Variants in CPED1 observed in about 807,000 individuals in gnomAD.
CPED1 encodes the protein cadherin-like and PC-esterase domain-containing protein 1.
Under a neutral mutation model 128.2 loss-of-function variants are expected in CPED1, and 114 were observed. The ratio of observed to expected loss-of-function variants is 0.89; its 90% CI spans 0.76 to 1.04. The LOEUF (loss-of-function observed/expected upper bound fraction) is 1.04. Ranked by LOEUF, CPED1 falls within the 50% of genes least tolerant of loss-of-function variation. The probability of loss-of-function intolerance (pLI) is 0.00; values close to 1 mark genes in which losing one functional copy is unlikely to be tolerated. For synonymous variants in CPED1, 462 were observed against 426.7 expected (o/e 1.08, Z -1.02); for missense variants, 1,211 against 1,207.1 (o/e 1.00, Z -0.05).
intron 16 of CPED1, among the ~76,000 whole-genome samples, chr7:121,209,015 A>C (rs964481582): frequency 6.6e-6 from 1 of 152,032 alleles, no homozygotes; most frequent in African/African-American, 2.4e-5. Flanking sequence ...CAGCTAATTC[A>C]AGATCTTATT....
At chr7:120,995,911 T>C (rs1796390615) in intron 2 of CPED1, among the ~76,000 whole-genome samples, 1 of 92,100 alleles carries the variant, frequency 1.1e-5, no homozygotes, top group South Asian at 2.7e-4. Flanking sequence ...CTTCTTCTTC[T>C]TCTCCTTCTC....
intron 22 of CPED1, among the ~76,000 whole-genome samples, chr7:121,291,121 G>A (rs1024055233): frequency 6.6e-6 from 1 of 152,114 alleles, no homozygotes; most frequent in Non-Finnish European, 1.5e-5. Context: ...GTAGATGTGT[G>A]GTGTCATTTC....
intron 11 of CPED1, among the ~76,000 whole-genome samples, chr7:121,129,337 G>GTA (rs756336162): frequency 0.18 from 10,555 of 57,762 alleles, 596 homozygotes; most frequent in African/African-American, 0.21. Flanking sequence ...ATATATATAC[G>GTA]TATATATATA....
chr7:120,995,362 A>G (rs950207436), intron 2 of CPED1, among the ~76,000 whole-genome samples: 1 of 152,112 alleles, frequency 6.6e-6, no homozygotes, highest in African/African-American at 2.4e-5. Context: ...GAATTCCACA[A>G]CACAACAAGG....
rs76075042 is a variant in CPED1 at position 121,054,748 on chromosome 7, T to C, written c.540+7755T>C. ...ATGGGTTTTGACAAATGCATAGTTA[T>C]GCATCCATCCTCACCCGTCAGTCAT... On this transcript the variant is annotated intron_variant, in intron 4 of 22. Coordinates refer to ENST00000310396, the MANE Select transcript of CPED1 (RefSeq NM_024913.5). 5.8e-3 allele frequency among the ~76,000 whole-genome samples: 876 copies of C among 152,192 alleles called. 7 individuals carry two copies. Among genetic ancestry groups the C allele is most frequent in the Non-Finnish European group, 8.1e-3 (551 of 67,998 alleles).
chr7:121,227,410 G>C (rs919257620), intron 16 of CPED1, among the ~76,000 whole-genome samples: 12 of 152,070 alleles, frequency 7.9e-5, no homozygotes, highest in African/African-American at 2.9e-4. Flanking sequence ...ATCGTGGATG[G>C]ATTTATACCA....
rs1258244102 is a variant in CPED1 at position 121,266,434 on chromosome 7, C to A, written c.2518C>A (p.His840Asn). Reference protein sequence around the residue: ...LRPTFENALEHLLQRSRPLEN... With the variant: ...LRPTFENALENLLQRSRPLEN... ...ACCAACATTTGAAAATGCACTTGAA[C>A]ACCTCTTGCAAAGGTACAATGAAAC... Residue 840 changes from histidine to asparagine, a missense_variant, in exon 19 of 23, where the codon CAC (histidine) becomes AAC (asparagine). Physicochemically the swap from His to Asn is moderately conservative, Grantham distance 68. Coordinates refer to ENST00000310396, the MANE Select transcript of CPED1 (RefSeq NM_024913.5). The A allele has an allele frequency of 6.2e-7, 1 of 1,611,248 alleles. No individual in the cohort carries two copies. The highest frequency in any genetic ancestry group is 8.5e-7 in the Non-Finnish European group (1 of 1,177,744).
intron 22 of CPED1, among the ~76,000 whole-genome samples, chr7:121,272,513 G>A (rs908809116): frequency 2.0e-5 from 3 of 151,856 alleles, no homozygotes; most frequent in Non-Finnish European, 4.4e-5. Context: ...TGGCTCCTTG[G>A]TATCCAACTG....
intron 7 of CPED1, among the ~76,000 whole-genome samples, chr7:121,102,839 A>G (rs1052149093): frequency 2.0e-5 from 3 of 152,036 alleles, no homozygotes; most frequent in Non-Finnish European, 4.4e-5. Context: ...CGTGGCTACC[A>G]CTGGTCAGAC....
rs553671174 is a variant in CPED1, at chr7:121,155,625, A to G, written c.2055+13484A>G. 1.6e-4 allele frequency among the ~76,000 whole-genome samples: 25 copies of G among 152,362 alleles called. No homozygotes were observed. The Middle Eastern group carries it at 0.01, about 62-fold the overall frequency. ...TAATGGGGAAAGGACAGTCTTTTCA[A>G]TAAATGGTGCTGGGAAAACTGGATA... is the stretch of plus-strand genomic sequence containing the variant. On this transcript the variant is annotated intron_variant, in intron 16 of 22. Transcript: ENST00000310396.
rs1304456143 is a variant in CPED1 at position 121,124,407 on chromosome 7, G to C, written c.995G>C (p.Gly332Ala). 6.2e-7 allele frequency: 1 copy of C among 1,607,284 alleles called. No homozygotes were observed. Among genetic ancestry groups the C allele is most frequent in the East Asian group, 2.3e-5 (1 of 44,412 alleles). Residue 332 changes from glycine (G) to alanine (A), a missense_variant, in exon 8 of 23, where the codon GGC becomes GCC. Gly to Ala is a moderately conservative substitution (Grantham distance 60). Transcript: ENST00000310396. ...QAFDIMKEAI[G>A]KLLLAAEVFS... is the part of the protein sequence containing the mutation. ...TTTGACATTATGAAGGAAGCAATTG[G>C]CAAACTACTGCTAGCGGCTGAAGTA... is the stretch of plus-strand genomic sequence containing the variant.
chr7:121,214,688 C>T (rs1797720622), intron 16 of CPED1, among the ~76,000 whole-genome samples: 1 of 152,012 alleles, frequency 6.6e-6, no homozygotes, highest in Non-Finnish European at 1.5e-5. Flanking sequence ...AAGTATGCTT[C>T]ATAGGTTTCT....
chr7:121,041,725 A>T (rs1001595460), intron 3 of CPED1, among the ~76,000 whole-genome samples: 5 of 152,164 alleles, frequency 3.3e-5, no homozygotes, highest in Admixed American at 6.5e-5. Flanking sequence ...TTTAAAACCA[A>T]ACAAAACAAA....
chr7:121,292,721 T>C (rs1331257937), intron 22 of CPED1, among the ~76,000 whole-genome samples: 1 of 152,098 alleles, frequency 6.6e-6, no homozygotes, highest in African/African-American at 2.4e-5. Context: ...TCCTTTTTGT[T>C]GATGTTGATG....
rs780572658 is a variant in CPED1 at position 121,236,745 on chromosome 7, C to G, written c.2087C>G (p.Thr696Ser). The G allele has an allele frequency of 6.2e-6, 10 of 1,605,816 alleles. No individual in the cohort carries two copies. The African/African-American group carries it at 1.2e-4, about 19-fold the overall frequency. Reference protein sequence around the residue: ...DCGLLIHPEETCGLQPISSDY... With the variant: ...DCGLLIHPEESCGLQPISSDY... ...GGTTTGCTGATTCATCCAGAGGAAACCTGTGGGTTACAGCCTATTTCTTCT... is the reference window on the plus strand; with the variant it reads ...GGTTTGCTGATTCATCCAGAGGAAAGCTGTGGGTTACAGCCTATTTCTTCT... Residue 696 changes from threonine (T) to serine (S), a missense_variant, in exon 17 of 23, where the codon ACC (threonine) becomes AGC (serine). Physicochemically the swap from Thr to Ser is moderately conservative, Grantham distance 58. Coordinates refer to ENST00000310396, the MANE Select transcript of CPED1 (RefSeq NM_024913.5).
At chr7:121,189,760 T>TTTTATATATATATATATATATA in intron 16 of CPED1, among the ~76,000 whole-genome samples, 1 of 47,476 alleles carries the variant, frequency 2.1e-5, no homozygotes, top group African/African-American at 8.1e-5. Context: ...TTATGAGGTT[T>TTTTATATATATATATATATATA]TATATATATA....
Position 121,127,078 on chromosome 7 carries a change from GT to G in CPED1, c.1135-10del, listed in dbSNP as rs758366860. On this transcript the variant is annotated splice_polypyrimidine_tract_variant and intron_variant, in intron 9 of 22. Transcript: ENST00000310396. ...GATGAAAAATATTTGCTGTGCTTTT[GT>G]TCTTTCAAAGGTACACGAGCATTTA... The G allele has an allele frequency of 1.3e-6, 2 of 1,543,808 alleles. No homozygotes were observed. Among genetic ancestry groups the G allele is most frequent in the South Asian group, 2.4e-5 (2 of 82,654 alleles).
At chr7:121,142,260 C>A in intron 16 of CPED1, 119 bp downstream of exon 16, 1 of 933,026 alleles carries the variant, frequency 1.1e-6, no homozygotes, top group Non-Finnish European at 1.6e-6. Context: ...AAACTGTGGT[C>A]TCATTTCAAA....
chr7:121,068,715 A>T (rs892707927), intron 5 of CPED1, among the ~76,000 whole-genome samples: 4 of 150,212 alleles, frequency 2.7e-5, no homozygotes, highest in Admixed American at 2.0e-4. Flanking sequence ...CAGTATGGCC[A>T]TTTTCACAAT....
Sources: allele counts gnomAD v4.1 joint callset (sites outside exome capture counted in the v4.1 genomes callset), GRCh38; gene constraint gnomAD v4.1.1; transcripts MANE v1.5; gene names NCBI Gene and HGNC (gene_info 2026-07-23, HGNC 2026-07-21).